GCSAML: variants seen among roughly 807,000 people sequenced by gnomAD.
The protein encoded by GCSAML is germinal center associated signaling and motility like, also known as germinal center-associated signaling and motility-like protein.
A neutral mutation model predicts 13.0 loss-of-function variants in GCSAML; 9 were observed. The observed-to-expected ratio is 0.69, with a 90% CI of 0.42 to 1.21. The LOEUF (loss-of-function observed/expected upper bound fraction) is 1.21. Among genes scored for constraint, GCSAML ranks in the 50% most tolerant of loss-of-function variants. The probability of loss-of-function intolerance (pLI) is 0.00; values close to 1 mark genes in which losing one functional copy is unlikely to be tolerated. For synonymous variants in GCSAML, 37 were observed against 52.9 expected (o/e 0.70, Z 1.31); for missense variants, 143 against 153.4 (o/e 0.93, Z 0.36).
chr1:247,520,004 C>A (rs1045224991), intron 1 of GCSAML, among the ~76,000 whole-genome samples: 2 of 152,130 alleles, frequency 1.3e-5, no homozygotes, highest in African/African-American at 4.8e-5. Context: ...CATGCATTTT[C>A]ACCTTTTGAC....
chr1:247,563,792 G>A (rs1668231426), intron 3 of GCSAML, among the ~76,000 whole-genome samples, 153 bp downstream of exon 3: 1 of 152,020 alleles, frequency 6.6e-6, no homozygotes, highest in Non-Finnish European at 1.5e-5. Flanking sequence ...ATCATTCTTG[G>A]TATTAAAGTA....
In GCSAML at chr1:247,563,450, A is replaced by T. The variant is rs1021030550; in HGVS notation, c.90-140A>T. The T allele has an allele frequency of 5.7e-6, 3 of 529,246 alleles. No homozygotes were observed. The Admixed American group carries it at 1.1e-4, about 20-fold the overall frequency. The allele number at this position is 529,246 out of a possible 1,614,324, so 32.8% of individuals were successfully genotyped here. On this transcript the variant is annotated intron_variant, in intron 2 of 4. Transcript: ENST00000366488. ...TTTTTCAAAAAAGGCTGGAGTAAGC[A>T]GCCTTTTAATTGTATTTAATATTTG...
At chr1:247,541,747 C>T (rs1037202503) in intron 2 of GCSAML, among the ~76,000 whole-genome samples, 2 of 152,138 alleles carry the variant, frequency 1.3e-5, no homozygotes, top group African/African-American at 4.8e-5. Context: ...CAGTGGCTCA[C>T]ATCTGTAATC....
At chr1:247,539,114 CAGG>C (rs1667323098) in intron 2 of GCSAML, among the ~76,000 whole-genome samples, 1 of 152,096 alleles carries the variant, frequency 6.6e-6, no homozygotes, top group Non-Finnish European at 1.5e-5. Context: ...AGTGAGAAAG[CAGG>C]AGAACAGGTC....
At chr1:247,545,899 G>T (rs1274292646), upstream of GCSAML, among the ~76,000 whole-genome samples, 2 of 152,058 alleles carry the variant, frequency 1.3e-5, no homozygotes, top group Non-Finnish European at 2.9e-5. Context: ...AAGGTATTGT[G>T]TACTTAACAA....
chr1:247,548,949 AGT>A (rs147537669), upstream of GCSAML: 1,984 of 825,346 alleles, frequency 2.4e-3, no homozygotes, highest in Non-Finnish European at 2.8e-3. The surrounding 1 kb of genome is among the most constrained non-coding windows in gnomAD (Gnocchi z 5.3). Flanking sequence ...TGTGTGTATG[AGT>A]GTGTGTGTGT....
intron 4 of GCSAML, 107 bp from the exon 5 acceptor site, chr1:247,574,036 G>C: frequency 7.8e-7 from 1 of 1,285,746 alleles, no homozygotes; most frequent in East Asian, 2.3e-5. Context: ...GATACCTTAA[G>C]TGTAAGAGCA....
intron 4 of GCSAML, among the ~76,000 whole-genome samples, chr1:247,571,941 T>G (rs1457366396): frequency 6.6e-6 from 1 of 152,212 alleles, no homozygotes; most frequent in Non-Finnish European, 1.5e-5. Flanking sequence ...CATGCTTTAT[T>G]TCATTAAGTT....
intron 1 of GCSAML, among the ~76,000 whole-genome samples, chr1:247,522,543 A>G (rs1192798414): frequency 6.6e-6 from 1 of 152,020 alleles, no homozygotes; most frequent in Non-Finnish European, 1.5e-5. Flanking sequence ...AGGTAGACAT[A>G]GGAGACTCCA....
At position 247,520,430 on chromosome 1, in the gene GCSAML, A is replaced by G. The variant is rs1558235380; in HGVS notation, c.-262-6510A>G. On this transcript the variant is annotated intron_variant, in intron 1 of 5. Transcript: ENST00000366489. ...CTTTCAAGCTACAGCTGTAACATCA[A>G]CTTTTCTCAGAGTCTCCAGCCTACC... Among the ~76,000 whole-genome samples, 3 of 152,236 alleles carry G rather than the reference A, an allele frequency of 2.0e-5. No individual in the cohort carries two copies. The South Asian group carries it at 6.2e-4, about 32-fold the overall frequency.
At chr1:247,573,938 T>C (rs1668730956) in intron 4 of GCSAML, among the ~76,000 whole-genome samples, 1 of 152,154 alleles carries the variant, frequency 6.6e-6, no homozygotes, top group African/African-American at 2.4e-5. Flanking sequence ...GGTATTTTAT[T>C]CTCTTTGTAG....
chr1:247,531,268 A>C, intron 2 of GCSAML: 93 of 400,528 alleles, frequency 2.3e-4, no homozygotes, highest in Middle Eastern at 7.2e-4. Context: ...ATACTGAGGA[A>C]CAGCTGAACA....
At chr1:247,514,824 C>T (rs546165048) in intron 1 of GCSAML, among the ~76,000 whole-genome samples, 6 of 152,244 alleles carry the variant, frequency 3.9e-5, no homozygotes, top group South Asian at 2.1e-4. Flanking sequence ...GTCAATGTCC[C>T]GATTTTTTAT....
In GCSAML at chr1:247,574,320, T is replaced by G. The variant is rs1668750029; in HGVS notation, c.346T>G (p.Ser116Ala). 6 of 1,613,856 alleles carry G rather than the reference T, an allele frequency of 3.7e-6. No individual in the cohort carries two copies. The highest frequency in any genetic ancestry group is 2.7e-5 in the African/African-American group (2 of 74,926). ...SETEYALLRTSVSRPCSCTHE... is the reference protein window; with the variant it reads ...SETEYALLRTAVSRPCSCTHE... ...GACAGAATATGCCCTTCTTAGGACT[T>G]CTGTTAGTAGGCCTTGTTCCTGCAC... The change falls in exon 5 of 5, where the codon TCT (serine) becomes GCT (alanine). Residue 116 changes from serine to alanine, a missense_variant. Physicochemically the swap from Ser to Ala is moderately conservative, Grantham distance 99. Coordinates refer to ENST00000366488, the MANE Select transcript of GCSAML (RefSeq NM_145278.5).
At position 247,570,089 on chromosome 1, in the gene GCSAML, TTCTG is replaced by T. The variant is rs553763073; in HGVS notation, c.169-4050_169-4047del. On this transcript the variant is annotated intron_variant, in intron 4 of 4. Coordinates refer to ENST00000366488, the MANE Select transcript of GCSAML (RefSeq NM_145278.5). ...ATTTTTTAGTGTGTCTATTTGATTC[TTCTG>T]TCTTTCTTCATTATTAGTCTGGCTA... Among the ~76,000 whole-genome samples, 117 of 152,330 alleles carry T rather than the reference TTCTG, an allele frequency of 7.7e-4. 2 individuals carry two copies. The highest frequency in any genetic ancestry group is 1.6e-3 in the Admixed American group (24 of 15,298).
intron 4 of GCSAML, among the ~76,000 whole-genome samples, chr1:247,573,273 T>G (rs1043203002): frequency 3.3e-5 from 5 of 152,210 alleles, no homozygotes. Context: ...CTCAGTTTTG[T>G]GCTTGAAACC....
intron 1 of GCSAML, among the ~76,000 whole-genome samples, chr1:247,513,684 G>C (rs1349543160): frequency 6.6e-6 from 1 of 152,312 alleles, no homozygotes; most frequent in Admixed American, 6.5e-5. Context: ...AGAGATGGTG[G>C]GAAAATCATA....
At chr1:247,513,810 C>T (rs1363444732) in intron 1 of GCSAML, among the ~76,000 whole-genome samples, 2 of 152,168 alleles carry the variant, frequency 1.3e-5, no homozygotes, top group Non-Finnish European at 2.9e-5. Context: ...CAATGCTCCA[C>T]CCTCTTTCTG....
At chr1:247,564,423 T>C (rs2103059589) in intron 3 of GCSAML, among the ~76,000 whole-genome samples, 1 of 151,716 alleles carries the variant, frequency 6.6e-6, no homozygotes, top group Non-Finnish European at 1.5e-5. Context: ...TTTGCCATAG[T>C]ATCTAGGTAT....
Sources: allele counts gnomAD v4.1 joint callset (sites outside exome capture counted in the v4.1 genomes callset), GRCh38; gene constraint gnomAD v4.1.1; non-coding constraint Gnocchi (gnomAD v3.1); transcripts MANE v1.5; gene names NCBI Gene and HGNC (gene_info 2026-07-23, HGNC 2026-07-21).